The following PTPN3 variants were observed in gnomAD, a reference collection of about 807,000 sequenced individuals.
PTPN3 encodes the protein protein tyrosine phosphatase non-receptor type 3, also known as tyrosine-protein phosphatase non-receptor type 3.
A neutral mutation model predicts 132.7 loss-of-function variants in PTPN3; 96 were observed. That is an observed-to-expected ratio of 0.72 (90% CI 0.61 to 0.86). The LOEUF (loss-of-function observed/expected upper bound fraction) is 0.86. Among genes scored for constraint, PTPN3 ranks in the 40% least tolerant of loss-of-function variants. PTPN3 has a pLI of 0.00. For synonymous variants in PTPN3, 398 were observed against 429.0 expected, an observed-to-expected ratio of 0.93 and a Z score of 0.89; for missense variants, 1,125 against 1,159.6, an observed-to-expected ratio of 0.97 and a Z score of 0.43.
At chr9:109,438,721 C>T (rs985172793) in intron 7 of PTPN3, among the ~76,000 whole-genome samples, 2 of 152,166 alleles carry the variant, frequency 1.3e-5, no homozygotes, top group African/African-American at 4.8e-5. Context: ...GAGGCCATGC[C>T]GACCTGACCA....
At chr9:109,523,409 C>T in the PTPN3 span, among the ~76,000 whole-genome samples, 1 of 152,172 alleles carries the variant, frequency 6.6e-6, no homozygotes, top group Non-Finnish European at 1.5e-5. Flanking sequence ...CCACTGTGCC[C>T]AGCCTATATC....
At chr9:109,450,136 T>A (rs189727162) in intron 5 of PTPN3, 1 of 984,572 alleles carries the variant, frequency 1.0e-6, no homozygotes, top group East Asian at 1.1e-4. Flanking sequence ...AAGCTTAGGA[T>A]CCATGTCGTA....
the PTPN3 span, among the ~76,000 whole-genome samples, chr9:109,519,077 A>G: frequency 6.6e-6 from 1 of 152,152 alleles, no homozygotes. Context: ...CTTGACCTCT[A>G]GATTCCTCAA....
the PTPN3 span, among the ~76,000 whole-genome samples, chr9:109,504,706 C>A: frequency 1.3e-5 from 2 of 152,090 alleles, no homozygotes; most frequent in Non-Finnish European, 2.9e-5. Flanking sequence ...GACCTGTGAA[C>A]CACCATGTGG....
At chr9:109,471,264 C>T (rs1169918700) in intron 1 of PTPN3, among the ~76,000 whole-genome samples, 1 of 152,162 alleles carries the variant, frequency 6.6e-6, no homozygotes, top group East Asian at 1.9e-4. Flanking sequence ...ACCATGTTGG[C>T]CTAGGCTGGT....
At chr9:109,416,620 AT>A (rs929001463) in intron 14 of PTPN3, among the ~76,000 whole-genome samples, 3 of 151,526 alleles carry the variant, frequency 2.0e-5, no homozygotes, top group African/African-American at 7.3e-5. Context: ...TAATTTTTGC[AT>A]TTTTTTGTAG....
At chr9:109,485,307 A>T (rs1018974184) in intron 1 of PTPN3, among the ~76,000 whole-genome samples, 1 of 152,170 alleles carries the variant, frequency 6.6e-6, no homozygotes, top group Non-Finnish European at 1.5e-5. Flanking sequence ...GGAGATCGAG[A>T]CCATCCTGGC....
At chr9:109,526,780 A>C in the PTPN3 span, among the ~76,000 whole-genome samples, 1 of 152,230 alleles carries the variant, frequency 6.6e-6, no homozygotes, top group Non-Finnish European at 1.5e-5. Context: ...CAACTTATAA[A>C]GCTATAGCAA....
intron 5 of PTPN3, chr9:109,449,665 G>C: frequency 1.0e-6 from 1 of 985,444 alleles, no homozygotes; most frequent in Non-Finnish European, 1.2e-6. Context: ...TTGGCCACTA[G>C]CTCCCATGCT....
chr9:109,429,887 T>C (rs1210813865), intron 10 of PTPN3, among the ~76,000 whole-genome samples: 1 of 152,226 alleles, frequency 6.6e-6, no homozygotes, highest in Non-Finnish European at 1.5e-5. Flanking sequence ...TCTAGGATCA[T>C]ACAAAGACCT....
At chr9:109,446,823 T>A (rs1477911854) in intron 6 of PTPN3, among the ~76,000 whole-genome samples, 1 of 152,194 alleles carries the variant, frequency 6.6e-6, no homozygotes, top group African/African-American at 2.4e-5. Context: ...CCTAAACACA[T>A]CCCTTTCTTT....
At chr9:109,533,517 G>T in the PTPN3 span, 1 of 1,598,592 alleles carries the variant, frequency 6.3e-7, no homozygotes, top group Non-Finnish European at 8.6e-7. Context: ...TGCTGACCTT[G>T]GGTCTCACCT....
intron 1 of PTPN3, among the ~76,000 whole-genome samples, chr9:109,487,327 C>A (rs921367686): frequency 6.6e-6 from 1 of 152,210 alleles, no homozygotes; most frequent in Admixed American, 6.5e-5. Flanking sequence ...GCCACTGTGG[C>A]AAGAGCAGGG....
At chr9:109,490,267 C>A (rs1405087615) in intron 1 of PTPN3, among the ~76,000 whole-genome samples, 1 of 152,156 alleles carries the variant, frequency 6.6e-6, no homozygotes, top group Admixed American at 6.5e-5. Context: ...AGCAGAAAAC[C>A]TGCTGACTTT....
At chr9:109,516,477 AG>A in the PTPN3 span, among the ~76,000 whole-genome samples, 2 of 152,196 alleles carry the variant, frequency 1.3e-5, no homozygotes, top group South Asian at 4.1e-4. Flanking sequence ...CATTCTTGGA[AG>A]AAGGTGAACA....
the PTPN3 span, among the ~76,000 whole-genome samples, chr9:109,510,357 G>A: frequency 1.3e-5 from 2 of 151,626 alleles, no homozygotes; most frequent in East Asian, 1.9e-4. Context: ...TCGGGAATTC[G>A]AGACCAGCCT....
chr9:109,379,936 T>C (rs190150952), intron 25 of PTPN3, among the ~76,000 whole-genome samples: 20 of 152,216 alleles, frequency 1.3e-4, no homozygotes, highest in Admixed American at 2.0e-4. Flanking sequence ...TGTGGAAGCC[T>C]CAGTAAGAGC....
the PTPN3 span, among the ~76,000 whole-genome samples, chr9:109,512,243 C>T: frequency 1.3e-5 from 2 of 152,150 alleles, no homozygotes; most frequent in Non-Finnish European, 2.9e-5. Context: ...CACCCCTGAC[C>T]TACCAAATCT....
intron 5 of PTPN3, chr9:109,450,447 T>C: frequency 4.1e-6 from 4 of 983,558 alleles, no homozygotes; most frequent in Non-Finnish European, 3.6e-6. Flanking sequence ...GCTCAGCTAA[T>C]CAGTATGTCT....
Sources: gnomAD v4.1 joint callset for allele counts (sites outside exome capture counted in the v4.1 genomes callset) on GRCh38, gnomAD v4.1.1 for gene constraint, MANE v1.5 for transcripts, NCBI Gene and HGNC (gene_info 2026-07-23, HGNC 2026-07-21) for gene names.